The following VPS8 variants were observed in gnomAD, a reference collection of about 807,000 sequenced individuals.
VPS8 encodes the protein vacuolar protein sorting-associated protein 8 homolog.
A neutral mutation model predicts 216.4 loss-of-function variants in VPS8; 129 were observed. That is an observed-to-expected ratio of 0.60 (90% CI 0.52 to 0.69). The LOEUF (loss-of-function observed/expected upper bound fraction) is 0.69. Among genes scored for constraint, VPS8 ranks in the 30% least tolerant of loss-of-function variants. The probability of loss-of-function intolerance (pLI) is 0.00; values close to 1 mark genes in which losing one functional copy is unlikely to be tolerated. For missense variants in VPS8, 1,531 were observed against 1,683.5 expected (o/e 0.91, Z 1.59); for synonymous variants, 571 against 565.4 (o/e 1.01, Z -0.14).
chr3:184,842,186 C>CA (rs71162267), intron 7 of VPS8, among the ~76,000 whole-genome samples: 1,033 of 47,966 alleles, frequency 0.022, 63 homozygotes, highest in African/African-American at 0.039. Flanking sequence ...GACTCCGTCT[C>CA]AAAAAAAAAA....
chr3:184,854,770 G>GCTATT (rs1724937509), intron 13 of VPS8, among the ~76,000 whole-genome samples: 1 of 152,062 alleles, frequency 6.6e-6, no homozygotes, highest in Non-Finnish European at 1.5e-5. Context: ...TGCTTTCCCT[G>GCTATT]GCTTCTGCCT....
chr3:184,998,666 G>A (rs1374152647), intron 44 of VPS8, among the ~76,000 whole-genome samples: 1 of 147,332 alleles, frequency 6.8e-6, no homozygotes, highest in African/African-American at 2.5e-5. Context: ...AGTGTAGATG[G>A]CTGAGAATTA....
At chr3:184,849,882 A>T in intron 9 of VPS8, 54 bp from the exon 10 acceptor site, 1 of 1,365,902 alleles carries the variant, frequency 7.3e-7, no homozygotes, top group Non-Finnish European at 1.0e-6. Flanking sequence ...CAGGATACTT[A>T]AGTCCAAAAA....
At chr3:184,894,659 T>A (rs1733050055) in intron 22 of VPS8, 44 bp from the exon 23 acceptor site, 5 of 1,429,988 alleles carry the variant, frequency 3.5e-6, no homozygotes, top group Non-Finnish European at 4.8e-6. Context: ...TAATGGATAT[T>A]TGGCATGTTC....
Position 184,928,501 on chromosome 3 carries a change from T to G in VPS8, c.2682T>G (p.Ser894Arg), listed in dbSNP as rs139334599. ...GAGGCATAGTTCAATTTGAAGAGAGTCGACTCATCCGGATGGCAGAAAAAG... is the reference window on the plus strand; with the variant it reads ...GAGGCATAGTTCAATTTGAAGAGAGGCGACTCATCCGGATGGCAGAAAAAG... ...QAGGIVQFEESRLIRMAEKAE... is the reference protein window; with the variant it reads ...QAGGIVQFEERRLIRMAEKAE... The change falls in exon 32 of 48, where the codon AGT (serine) becomes AGG (arginine). Residue 894 changes from serine to arginine, a missense_variant. This residue lies in a region of VPS8 where 1,318 missense variants were observed against 1,468.4 expected (regional missense o/e 0.90). Transcript: ENST00000625842. 3.3e-6 allele frequency: 5 copies of G among 1,534,388 alleles called. No homozygotes were observed. The African/African-American group carries it at 7.2e-5, about 22-fold the overall frequency.
chr3:184,950,661 C>A (rs1370537619), intron 36 of VPS8, among the ~76,000 whole-genome samples: 1 of 152,090 alleles, frequency 6.6e-6, no homozygotes, highest in Non-Finnish European at 1.5e-5. Flanking sequence ...CATAGGTATA[C>A]ATGTGCCATG....
chr3:184,978,536 G>T (rs773883809), intron 40 of VPS8, among the ~76,000 whole-genome samples: 1 of 151,810 alleles, frequency 6.6e-6, no homozygotes, highest in Non-Finnish European at 1.5e-5. Flanking sequence ...GAGTAGCTGG[G>T]ACTATAGGCA....
Position 184,848,892 on chromosome 3 carries a change from T to A in VPS8, c.542-179T>A. 5 of 584,760 alleles carry A rather than the reference T, an allele frequency of 8.6e-6. 1 individual carries two copies. Among genetic ancestry groups the A allele is most frequent in the Non-Finnish European group, 1.4e-5 (5 of 354,646 alleles). 36.2% of individuals were successfully genotyped at this position (584,760 alleles called of 1,614,324 possible). A position where few individuals can be genotyped will look rare whatever the true frequency, so the allele number is the denominator to read the frequency against. On this transcript the variant is annotated intron_variant, in intron 8 of 47. Coordinates refer to ENST00000625842, the MANE Select transcript of VPS8 (RefSeq NM_001009921.3). Reference sequence around the variant, plus strand: ...CCTTTTTTTTCTGTATTTTTAAGTGTCTAATTCAACGCCCAGCATCTGCTA... The same window carrying A: ...CCTTTTTTTTCTGTATTTTTAAGTGACTAATTCAACGCCCAGCATCTGCTA...
intron 10 of VPS8, among the ~76,000 whole-genome samples, chr3:184,850,827 T>G (rs983903599): frequency 6.6e-6 from 1 of 152,012 alleles, no homozygotes; most frequent in African/African-American, 2.4e-5. Context: ...AGTTTGTATG[T>G]CTGTATCTAA....
At position 184,922,546 on chromosome 3, in the gene VPS8, G is replaced by A. The variant is rs887474257; in HGVS notation, c.2455-2316G>A. ...ACTAAGTTGGAAGAGTGATCCAAAT[G>A]AAGAGAAAGCTCCGTAAGTATTTGA... On this transcript the variant is annotated intron_variant, in intron 29 of 47. Transcript: ENST00000625842. 245 of 383,248 alleles carry A rather than the reference G, an allele frequency of 6.4e-4. 4 individuals carry two copies. The highest frequency in any genetic ancestry group is 1.9e-3 in the Admixed American group (60 of 31,706). 23.7% of individuals were successfully genotyped at this position (383,248 alleles called of 1,614,324 possible).
chr3:184,975,459 T>C (rs903856173), intron 40 of VPS8, among the ~76,000 whole-genome samples: 4 of 152,102 alleles, frequency 2.6e-5, no homozygotes, highest in Admixed American at 2.6e-4. Context: ...GTGGAGTCTT[T>C]AGGTTTTCAT....
chr3:184,829,230 T>G (rs1391873026), intron 3 of VPS8, among the ~76,000 whole-genome samples: 1 of 152,218 alleles, frequency 6.6e-6, no homozygotes, highest in African/African-American at 2.4e-5. Flanking sequence ...TTCTTTTTTT[T>G]GAGACAAGAG....
At chr3:184,882,300 G>C (rs1730408025) in intron 21 of VPS8, 1 of 429,188 alleles carries the variant, frequency 2.3e-6, no homozygotes, top group South Asian at 1.7e-5. Context: ...AATTTTGTCA[G>C]TTGCTTTTTC....
chr3:184,974,753 C>G (rs1329985176), intron 40 of VPS8, among the ~76,000 whole-genome samples: 2 of 152,036 alleles, frequency 1.3e-5, no homozygotes, highest in Admixed American at 1.3e-4. Context: ...ATATAAGAGT[C>G]TAGTTTCATT....
At chr3:184,849,478 C>T (rs1577885324) in intron 9 of VPS8, 1 of 278,946 alleles carries the variant, frequency 3.6e-6, no homozygotes, top group Non-Finnish European at 6.7e-6. Context: ...TACTTCCTTA[C>T]AGTCGTGTAA....
At chr3:184,972,712 G>A (rs992821579) in intron 40 of VPS8, among the ~76,000 whole-genome samples, 2 of 152,246 alleles carry the variant, frequency 1.3e-5, no homozygotes, top group African/African-American at 2.4e-5. Flanking sequence ...AGGAGGTATC[G>A]TTGAGCAGCA....
At chr3:184,924,739 G>T (rs1739256210) in intron 29 of VPS8, 123 bp from the exon 30 acceptor site, 3 of 1,251,902 alleles carry the variant, frequency 2.4e-6, no homozygotes, top group Non-Finnish European at 3.2e-6. Flanking sequence ...TTGTTGCACA[G>T]TCAATAAAAG....
intron 22 of VPS8, among the ~76,000 whole-genome samples, chr3:184,888,043 A>G (rs1731620304): frequency 6.7e-6 from 1 of 150,038 alleles, no homozygotes; most frequent in Admixed American, 6.6e-5. Flanking sequence ...GCTGGAGTGC[A>G]GTGGCGTGAT....
intron 34 of VPS8, among the ~76,000 whole-genome samples, chr3:184,933,527 T>TTGTGTGTG (rs35601004): frequency 0.011 from 1,638 of 150,160 alleles, 33 homozygotes; most frequent in African/African-American, 0.037. Context: ...CTTTCGATCT[T>TTGTGTGTG]TGTGTGTGTG....
Sources: allele counts gnomAD v4.1 joint callset (sites outside exome capture counted in the v4.1 genomes callset), GRCh38; gene constraint gnomAD v4.1.1; regional missense constraint gnomAD v4.1.1; transcripts MANE v1.5; gene names NCBI Gene and HGNC (gene_info 2026-07-23, HGNC 2026-07-21).